Variants in SLC12A9 observed in about 807,000 individuals in gnomAD.
SLC12A9 encodes solute carrier family 12 member 9, also known as CCC-interacting protein 1.
Under a neutral mutation model 66.0 loss-of-function variants are expected in SLC12A9, and 55 were observed. The ratio of observed to expected loss-of-function variants is 0.83; its 90% CI spans 0.67 to 1.04. SLC12A9 has a LOEUF of 1.04. SLC12A9 is among the 50% of genes least tolerant of loss of function. The pLI is 0.00. For missense variants in SLC12A9, 1,061 were observed against 1,241.9 expected (o/e 0.85, Z 2.19); for synonymous variants, 577 against 569.0 (o/e 1.01, Z -0.20).
Position 100,855,513 on chromosome 7 carries a change from C to T in SLC12A9, c.317-193C>T, listed in dbSNP as rs1162075646. 9 of 666,386 alleles carry T rather than the reference C, an allele frequency of 1.4e-5. No homozygotes were observed. The Admixed American group carries it at 2.4e-4, about 18-fold the overall frequency. 41.3% of individuals were successfully genotyped at this position (666,386 alleles called of 1,614,324 possible). A position where few individuals can be genotyped will look rare whatever the true frequency, so the allele number is the denominator to read the frequency against. ...CTGCACGTTGATGCCAATTTCTAGT[C>T]CAACAATCTCATCTGTTAGGCAGTG... On this transcript the variant is annotated intron_variant, in intron 3 of 13. Transcript: ENST00000354161.
chr7:100,842,573 T>C (rs114623231), intron 1 of SLC12A9, among the ~76,000 whole-genome samples: 2,519 of 152,328 alleles, frequency 0.017, 68 homozygotes, highest in African/African-American at 0.058. Flanking sequence ...AGAGCAAAGA[T>C]GGACTGCCCC....
In SLC12A9 at chr7:100,856,993, G is replaced by A. The variant is rs781495281; in HGVS notation, c.574G>A (p.Ala192Thr). 6.2e-6 allele frequency: 10 copies of A among 1,614,126 alleles called. No homozygotes were observed. The highest frequency in any genetic ancestry group is 1.6e-4 in the Middle Eastern group (1 of 6,062). ...CTLGAGLYARASFLTFLLVSG... is the reference protein window; with the variant it reads ...CTLGAGLYARTSFLTFLLVSG... ...CCTGGGAGCCGGCCTCTATGCCCGG[G>A]CCTCATTCCTCACATTCCTGCTGGT... Residue 192 changes from alanine (A) to threonine (T), a missense_variant, in exon 5 of 14, where the codon GCC becomes ACC. Coordinates refer to ENST00000354161, the MANE Select transcript of SLC12A9 (RefSeq NM_020246.4).
upstream of SLC12A9, among the ~76,000 whole-genome samples, chr7:100,851,766 G>C (rs1303778196): frequency 8.2e-6 from 1 of 121,450 alleles, no homozygotes; most frequent in Non-Finnish European, 1.6e-5. Context: ...ACTCCAGCCT[G>C]TGTAATAGTT....
At chr7:100,851,063 C>T (rs1468569653), upstream of SLC12A9, among the ~76,000 whole-genome samples, 1 of 152,068 alleles carries the variant, frequency 6.6e-6, no homozygotes, top group Non-Finnish European at 1.5e-5. Context: ...CACTTTATTG[C>T]CCAGGCTGGT....
At position 100,855,904 on chromosome 7, in the gene SLC12A9, G is replaced by A. The variant is rs560773890; in HGVS notation, c.448+67G>A. Reference sequence around the variant, plus strand: ...GGGTCTGGGAGTGTGGGATCATGAGGGAGAAGGTCCTCTCCAGCAGAGGGG... The same window carrying A: ...GGGTCTGGGAGTGTGGGATCATGAGAGAGAAGGTCCTCTCCAGCAGAGGGG... On this transcript the variant is annotated intron_variant, in intron 4 of 13. Coordinates refer to ENST00000354161, the MANE Select transcript of SLC12A9 (RefSeq NM_020246.4). 9.4e-5 allele frequency: 143 copies of A among 1,514,546 alleles called. No homozygotes were observed. In the African/African-American group the frequency reaches 1.7e-3, roughly 18 times the overall value. The allele number at this position is 1,514,546 out of a possible 1,614,324, so 93.8% of individuals were successfully genotyped here. A position where few individuals can be genotyped will look rare whatever the true frequency, so the allele number is the denominator to read the frequency against.
chr7:100,835,379 C>T lies in SLC12A9; in HGVS notation n.228+8332C>T, dbSNP rs556306321. ...TTAAAAAAAAAAAAAATGCCGGGCGCGGTCGCTCATGCCTGTAATCCCAGC... is the reference window on the plus strand; with the variant it reads ...TTAAAAAAAAAAAAAATGCCGGGCGTGGTCGCTCATGCCTGTAATCCCAGC... On this transcript the variant is annotated intron_variant and non_coding_transcript_variant, in intron 1 of 1. Coordinates refer to the SLC12A9 transcript ENST00000461016. 3.4e-5 allele frequency among the ~76,000 whole-genome samples: 5 copies of T among 147,490 alleles called. No individual in the cohort carries two copies. In the South Asian group the frequency reaches 8.6e-4, roughly 25 times the overall value.
chr7:100,862,764 G>C lies in SLC12A9; in HGVS notation c.1795G>C (p.Asp599His). ...CCGTGCCCAGGTGAAGGCTTTTGTG[G>C]ATCTAACCCTCTCACCCTCCGTGCG... ...VDRAQVKAFV[D>H]LTLSPSVRQG... Residue 599 changes from aspartate (D) to histidine (H), a missense_variant, in exon 13 of 14, where the codon GAT (aspartate) becomes CAT (histidine). Transcript: ENST00000354161. The C allele has an allele frequency of 6.2e-7, 1 of 1,614,164 alleles. No individual in the cohort carries two copies. Among genetic ancestry groups the C allele is most frequent in the Non-Finnish European group, 8.5e-7 (1 of 1,180,036 alleles).
intron 1 of SLC12A9, among the ~76,000 whole-genome samples, chr7:100,831,118 T>C (rs1028083364): frequency 6.6e-6 from 1 of 152,256 alleles, no homozygotes; most frequent in African/African-American, 2.4e-5. Context: ...ACACGGTGCA[T>C]TGTCGGTACT....
chr7:100,864,078 CTTTTTTTTT>C (rs10598573), intron 13 of SLC12A9, among the ~76,000 whole-genome samples: 1 of 102,458 alleles, frequency 9.8e-6, no homozygotes, highest in African/African-American at 3.9e-5. Flanking sequence ...CGGTTTTTGC[CTTTTTTTTT>C]TTTTTTTTTT....
rs1318827847 is a variant in SLC12A9, at chr7:100,860,242, C to A, written c.1218+10C>A. On this transcript the variant is annotated intron_variant, in intron 9 of 13. Coordinates refer to ENST00000354161, the MANE Select transcript of SLC12A9 (RefSeq NM_020246.4). ...TTGGGGCCTGGTGCAGGTGAGCCTT[C>A]TTCTTCAAGGGGCCCTTTCCCTCAC... 1 of 1,612,742 alleles carries A rather than the reference C, an allele frequency of 6.2e-7. No homozygotes were observed. Among genetic ancestry groups the A allele is most frequent in the Non-Finnish European group, 8.5e-7 (1 of 1,179,210 alleles).
chr7:100,847,451 C>T (rs747826199), intron 1 of SLC12A9, among the ~76,000 whole-genome samples: 25 of 152,236 alleles, frequency 1.6e-4, no homozygotes, highest in Non-Finnish European at 2.1e-4. Context: ...TGGCACCCAT[C>T]GGGAATGGAT....
At chr7:100,860,285 T>C (rs1814666629) in intron 9 of SLC12A9, 53 bp downstream of exon 9, 1 of 1,581,426 alleles carries the variant, frequency 6.3e-7, no homozygotes, top group Admixed American at 1.8e-5. Flanking sequence ...GCTGGCAGGA[T>C]GGGGGTGCAG....
chr7:100,835,092 A>T (rs1404198501), intron 1 of SLC12A9, among the ~76,000 whole-genome samples: 1 of 152,200 alleles, frequency 6.6e-6, no homozygotes, highest in East Asian at 1.9e-4. Flanking sequence ...GCAGTGGCTC[A>T]CGCCTGTAAT....
chr7:100,847,777 T>G (rs1320133828), upstream of SLC12A9, among the ~76,000 whole-genome samples: 1 of 151,724 alleles, frequency 6.6e-6, no homozygotes. Context: ...AGTTGCCCAT[T>G]TGATGTCCAA....
chr7:100,861,198 G>A lies in SLC12A9; in HGVS notation c.1279G>A (p.Val427Met), dbSNP rs776787264. The A allele has an allele frequency of 6.2e-7, 1 of 1,614,226 alleles. No homozygotes were observed. Among genetic ancestry groups the A allele is most frequent in the Non-Finnish European group, 8.5e-7 (1 of 1,180,040 alleles). Residue 427 changes from valine to methionine, a missense_variant, in exon 10 of 14, where the codon GTG becomes ATG. Val to Met is a conservative substitution (Grantham distance 21). Coordinates refer to ENST00000354161, the MANE Select transcript of SLC12A9 (RefSeq NM_020246.4). This position sits in a 1 kb window ranked among gnomAD's most constrained non-coding sequence, Gnocchi z 5.3. ...TGCTGTGGTCACTGTCTTCTACCTGGTGGCCTATGCTGCCGTGGACCTGTC... is the reference window on the plus strand; with the variant it reads ...TGCTGTGGTCACTGTCTTCTACCTGATGGCCTATGCTGCCGTGGACCTGTC... ...LAAVVTVFYL[V>M]AYAAVDLSCL...
chr7:100,843,686 A>G (rs1187802356), intron 1 of SLC12A9, among the ~76,000 whole-genome samples: 1 of 152,208 alleles, frequency 6.6e-6, no homozygotes, highest in African/African-American at 2.4e-5. Flanking sequence ...AAACCTGAAT[A>G]TAAAGTCCCC....
In SLC12A9 at chr7:100,866,050, C is replaced by T; in HGVS notation, c.2190C>T (p.Asn730=). The T allele has an allele frequency of 3.7e-6, 6 of 1,612,876 alleles. No individual in the cohort carries two copies. The highest frequency in any genetic ancestry group is 5.1e-6 in the Non-Finnish European group (6 of 1,179,866). ...ACCATGTGGACGTGTGGCCCCTCAA[C>T]CTGCTGCGGCCCCGGGGTGGGCCCG... ...QLHHVDVWPL[N]LLRPRGGPGY... The change falls in exon 14 of 14, where the codon AAC becomes AAT. Residue 730 remains asparagine, a synonymous_variant. Coordinates refer to ENST00000354161, the MANE Select transcript of SLC12A9 (RefSeq NM_020246.4). The surrounding 1 kb of genome is among the most constrained non-coding windows in gnomAD (Gnocchi z 7.3).
intron 13 of SLC12A9, chr7:100,865,247 G>C (rs546680824): frequency 2.6e-6 from 4 of 1,535,478 alleles, no homozygotes; most frequent in Non-Finnish European, 3.5e-6. Flanking sequence ...TGTGAGCCAC[G>C]GTGCCCTGCC....
At chr7:100,855,430 C>A in intron 3 of SLC12A9, 1 of 370,788 alleles carries the variant, frequency 2.7e-6, no homozygotes, top group African/African-American at 2.2e-5. Flanking sequence ...CCTGGCAGGG[C>A]AAGTTTTAAT....
Sources: gnomAD v4.1 joint callset for allele counts (sites outside exome capture counted in the v4.1 genomes callset) on GRCh38, gnomAD v4.1.1 for gene constraint, Gnocchi (gnomAD v3.1) non-coding constraint, MANE v1.5 for transcripts, NCBI Gene and HGNC (gene_info 2026-07-23, HGNC 2026-07-21) for gene names.